Variants in MMP10 observed in about 807,000 individuals in gnomAD.
MMP10 encodes the protein stromelysin-2.
In MMP10, 50 loss-of-function variants were observed where a neutral mutation model predicts 49.1. The observed-to-expected ratio is 1.02, with a 90% CI of 0.81 to 1.29. The LOEUF is 1.29. MMP10 is among the 50% of genes most tolerant of loss of function. MMP10 has a pLI of 0.00. For synonymous variants in MMP10, 229 were observed against 201.6 expected (o/e 1.14, Z -1.15); for missense variants, 613 against 563.8 (o/e 1.09, Z -0.88).
chr11:102,776,455 T>C (rs376157672), intron 5 of MMP10, 31 bp from the exon 6 acceptor site: 2 of 1,600,228 alleles, frequency 1.2e-6, no homozygotes, highest in African/African-American at 1.4e-5. Flanking sequence ...GATGCAAACA[T>C]TAAAAAAAAA....
chr11:102,772,571 C>T lies in MMP10; in HGVS notation c.1226+276G>A, dbSNP rs138020954. ...CCACACCTGGGCTTCCTATGGCAGC[C>T]ACATGGTGACTGGAAATGGAATAAG... On this transcript the variant is annotated intron_variant, in intron 8 of 9. Coordinates refer to ENST00000279441, the MANE Select transcript of MMP10 (RefSeq NM_002425.3). The surrounding 1 kb of genome is among the most constrained non-coding windows in gnomAD (Gnocchi z 4.4). Among the ~76,000 whole-genome samples the T allele has an allele frequency of 2.8e-3, 429 of 152,314 alleles. 3 individuals carry two copies. The highest frequency in any genetic ancestry group is 9.6e-3 in the African/African-American group (397 of 41,570).
chr11:102,780,519 T>C lies in MMP10; in HGVS notation c.73A>G (p.Lys25Glu). The change falls in exon 1 of 10, where the codon AAA becomes GAA. Residue 25 changes from lysine (K) to glutamate (E), a missense_variant. Lys to Glu is a moderately conservative substitution (Grantham distance 56, BLOSUM62 1). Coordinates refer to ENST00000279441, the MANE Select transcript of MMP10 (RefSeq NM_002425.3). ...AGATCCTTGTTGGAGTCCTCCTCTT[T>C]TGCTGCCCCACTCAGAGGATAGGCA... ...CSAYPLSGAA[K>E]EEDSNKDLAQ... The C allele has an allele frequency of 6.2e-7, 1 of 1,613,962 alleles. No individual in the cohort carries two copies. The highest frequency in any genetic ancestry group is 8.5e-7 in the Non-Finnish European group (1 of 1,179,942).
At position 102,772,489 on chromosome 11, in the gene MMP10, A is replaced by C. The variant is rs1861985013; in HGVS notation, c.1226+358T>G. ...AATTAATTAAATCACTTAGCTAAAA[A>C]TAAACCTCTGGTTCTCAGTCACACT... On this transcript the variant is annotated intron_variant, in intron 8 of 9. Coordinates refer to ENST00000279441, the MANE Select transcript of MMP10 (RefSeq NM_002425.3). This position sits in a 1 kb window ranked among gnomAD's most constrained non-coding sequence, Gnocchi z 4.4. Among the ~76,000 whole-genome samples, 1 of 152,228 alleles carries C rather than the reference A, an allele frequency of 6.6e-6. No individual in the cohort carries two copies. Among genetic ancestry groups the C allele is most frequent in the African/African-American group, 2.4e-5 (1 of 41,472 alleles).
intron 7 of MMP10, among the ~76,000 whole-genome samples, chr11:102,773,695 T>C (rs934216914): frequency 2.6e-5 from 4 of 152,338 alleles, no homozygotes; most frequent in Middle Eastern, 3.4e-3. Flanking sequence ...CTACTTTCTG[T>C]ACACCCAGCC....
At chr11:102,780,069 T>C (rs1857805699) in intron 1 of MMP10, among the ~76,000 whole-genome samples, 1 of 152,196 alleles carries the variant, frequency 6.6e-6, no homozygotes, top group Non-Finnish European at 1.5e-5. Flanking sequence ...ATAGACCTGG[T>C]TTAAGACTGA....
At chr11:102,771,113 T>A (rs1372436678) in intron 9 of MMP10, among the ~76,000 whole-genome samples, 1 of 152,204 alleles carries the variant, frequency 6.6e-6, no homozygotes, top group African/African-American at 2.4e-5. Context: ...TTAAGACGGT[T>A]TTGTAATTTT....
intron 3 of MMP10, among the ~76,000 whole-genome samples, 186 bp from the exon 4 acceptor site, chr11:102,778,935 G>C (rs1299845272): frequency 6.6e-6 from 1 of 152,232 alleles, no homozygotes; most frequent in African/African-American, 2.4e-5. Context: ...TATGTCGTAA[G>C]TGCTCTGCCC....
rs1010329318 is a variant in MMP10, at chr11:102,776,641, T to C, written c.758A>G (p.Asp253Gly). 2 of 1,613,504 alleles carry C rather than the reference T, an allele frequency of 1.2e-6. No homozygotes were observed. Among genetic ancestry groups the C allele is most frequent in the Non-Finnish European group, 1.7e-6 (2 of 1,179,838 alleles). The part of the protein sequence containing the change: ...TELAQFRLSQ[D>G]DVNGIQSLYG... ...GAGAGACTGAATGCCATTCACATCA[T>C]CTTGCGAAAGGCGGAACTGGGCGAG... The change falls in exon 5 of 10, where the codon GAT becomes GGT. Residue 253 changes from aspartate to glycine, a missense_variant. Transcript: ENST00000279441.
At chr11:102,775,749 A>G (rs1161440179) in intron 6 of MMP10, among the ~76,000 whole-genome samples, 1 of 152,190 alleles carries the variant, frequency 6.6e-6, no homozygotes, top group Non-Finnish European at 1.5e-5. Flanking sequence ...ACAAGCACAT[A>G]TCACTTTTTT....
At chr11:102,773,036 A>T in intron 7 of MMP10, 30 bp from the exon 8 acceptor site, 1 of 1,562,866 alleles carries the variant, frequency 6.4e-7, no homozygotes, top group Non-Finnish European at 8.6e-7. Flanking sequence ...AAGACATTTT[A>T]CTTGAAGCCA....
chr11:102,779,929 T>C (rs1857802502), intron 1 of MMP10, among the ~76,000 whole-genome samples, 184 bp from the exon 2 acceptor site: 1 of 152,190 alleles, frequency 6.6e-6, no homozygotes, highest in Non-Finnish European at 1.5e-5. Flanking sequence ...GTTAGTTTGC[T>C]AGTCAAGTAA....
rs555695329 is a variant in MMP10, at chr11:102,774,958, T to A, written c.1066+230A>T. Among the ~76,000 whole-genome samples, 47 of 152,360 alleles carry A rather than the reference T, an allele frequency of 3.1e-4. 1 individual carries two copies. Among genetic ancestry groups the A allele is most frequent in the African/African-American group, 1.1e-3 (46 of 41,608 alleles). On this transcript the variant is annotated intron_variant, in intron 7 of 9. Coordinates refer to ENST00000279441, the MANE Select transcript of MMP10 (RefSeq NM_002425.3). ...AATGAAAATGTCTTGTATCTATAGA[T>A]AAATTGACATTTTTACTATCTTGCA... is the stretch of plus-strand genomic sequence containing the variant.
Position 102,776,339 on chromosome 11 carries a change from A to G in MMP10, c.873T>C (p.Pro291=). 1.2e-6 allele frequency: 2 copies of G among 1,614,012 alleles called. No homozygotes were observed. The highest frequency in any genetic ancestry group is 1.7e-6 in the Non-Finnish European group (2 of 1,179,910). The part of the protein sequence containing the change: ...SGSEMPAKCD[P]ALSFDAISTL... ...TGCTGATGGCATCGAAGGACAAAGC[A>G]GGATCACACTTGGCTGGCATCTCAG... is the stretch of plus-strand genomic sequence containing the variant. Residue 291 remains proline (P), a synonymous_variant, in exon 6 of 10, where the codon CCT becomes CCC. Coordinates refer to ENST00000279441, the MANE Select transcript of MMP10 (RefSeq NM_002425.3).
Position 102,772,285 on chromosome 11 carries a change from T to C in MMP10, c.1227-170A>G, listed in dbSNP as rs1861983300. Among the ~76,000 whole-genome samples, 1 of 152,220 alleles carries C rather than the reference T, an allele frequency of 6.6e-6. No individual in the cohort carries two copies. Among genetic ancestry groups the C allele is most frequent in the Admixed American group, 6.5e-5 (1 of 15,282 alleles). ...ACAAGAATAGGTTACTTTCCTGGGCTTACAAGTTTAACACATAAAACAATA... is the reference window on the plus strand; with the variant it reads ...ACAAGAATAGGTTACTTTCCTGGGCCTACAAGTTTAACACATAAAACAATA... On this transcript the variant is annotated intron_variant, in intron 8 of 9. Coordinates refer to ENST00000279441, the MANE Select transcript of MMP10 (RefSeq NM_002425.3). This position sits in a 1 kb window ranked among gnomAD's most constrained non-coding sequence, Gnocchi z 4.4.
chr11:102,774,376 G>A (rs894228662), intron 7 of MMP10, among the ~76,000 whole-genome samples: 6 of 151,568 alleles, frequency 4.0e-5, no homozygotes, highest in African/African-American at 1.5e-4. Flanking sequence ...TAATTAAACG[G>A]GAAATCAAAA....
rs750733850 is a variant in MMP10, at chr11:102,778,733, G to A, written c.513C>T (p.Tyr171=). The A allele has an allele frequency of 1.2e-6, 2 of 1,613,726 alleles. No homozygotes were observed. Among genetic ancestry groups the A allele is most frequent in the Non-Finnish European group, 1.7e-6 (2 of 1,179,916 alleles). ...AACTGTGTCCTGGGCCATCAAAAGA[G>A]TAAAAGTCTCCATGTTCTGATAGGG... ...SFAVKEHGDF[Y]SFDGPGHSLA... The change falls in exon 4 of 10, where the codon TAC becomes TAT. Residue 171 remains tyrosine, a synonymous_variant. Transcript: ENST00000279441.
chr11:102,772,987 G>T lies in MMP10; in HGVS notation c.1086C>A (p.Ile362=), dbSNP rs17359286. ...FIFKGNEFWA[I]RGNEVQAGYP... ...AACCTGCTTGTACCTCATTTCCTCT[G>T]ATGGCCCAGAACTCATTTCCTATTG... The change falls in exon 8 of 10, where the codon ATC becomes ATA. Residue 362 remains isoleucine, a synonymous_variant. Transcript: ENST00000279441. The surrounding 1 kb of genome is among the most constrained non-coding windows in gnomAD (Gnocchi z 4.4). The T allele has an allele frequency of 0.035, 56,910 of 1,607,904 alleles. 1,305 individuals are homozygous for T. Among genetic ancestry groups the T allele is most frequent in the Non-Finnish European group, 0.041 (47,700 of 1,177,654 alleles).
At position 102,779,747 on chromosome 11, in the gene MMP10, T is replaced by C. The variant is rs1384978916; in HGVS notation, c.106-2A>G. 6.3e-7 allele frequency: 1 copy of C among 1,598,906 alleles called. No individual in the cohort carries two copies. On this transcript the variant is annotated splice_acceptor_variant, in intron 1 of 9. Transcript: ENST00000279441. LOFTEE classifies it high-confidence loss of function. ...GTTGTAGTACTTTTCTAGGTATTGCTAATGGAAAATAGAATTTTTAGGGCA... is the reference window on the plus strand; with the variant it reads ...GTTGTAGTACTTTTCTAGGTATTGCCAATGGAAAATAGAATTTTTAGGGCA...
At position 102,772,940 on chromosome 11, in the gene MMP10, A is replaced by G; in HGVS notation, c.1133T>C (p.Leu378Pro). Residue 378 changes from leucine to proline, a missense_variant, in exon 8 of 10, where the codon CTG becomes CCG. Transcript: ENST00000279441. The surrounding 1 kb of genome is among the most constrained non-coding windows in gnomAD (Gnocchi z 4.4). The stretch of plus-strand genomic sequence containing the variant: ...TTTCCTTATGGTTGGAGGAAAACCC[A>G]GGGTATGGATGCCTCTTGGATAACC... ...QAGYPRGIHT[L>P]GFPPTIRKID... The G allele has an allele frequency of 6.2e-7, 1 of 1,613,812 alleles. No homozygotes were observed. The highest frequency in any genetic ancestry group is 1.1e-5 in the South Asian group (1 of 91,040).
Sources: gnomAD v4.1 joint callset for allele counts (sites outside exome capture counted in the v4.1 genomes callset) on GRCh38, gnomAD v4.1.1 for gene constraint, Gnocchi (gnomAD v3.1) non-coding constraint, MANE v1.5 for transcripts, NCBI Gene and HGNC (gene_info 2026-07-23, HGNC 2026-07-21) for gene names.